The following SPIRE1 variants were observed in gnomAD, a reference collection of about 807,000 sequenced individuals.
The protein encoded by SPIRE1 is spire type actin nucleation factor 1, also known as protein spire homolog 1.
SPIRE1 carries 40 observed loss-of-function variants against 94.1 expected under a neutral mutation model. The ratio of observed to expected loss-of-function variants is 0.43; its 90% confidence interval spans 0.33 to 0.55. The LOEUF (loss-of-function observed/expected upper bound fraction) is 0.55. Among genes scored for constraint, SPIRE1 ranks in the 20% least tolerant of loss-of-function variants. The pLI, the probability that SPIRE1 is intolerant of heterozygous loss-of-function variation, is 0.06. For missense variants in SPIRE1, 838 were observed against 975.2 expected (o/e 0.86, Z 1.87); for synonymous variants, 376 against 371.7 (o/e 1.01, Z -0.13).
chr18:12,611,810 T>G (rs1047728412), intron 2 of SPIRE1, among the ~76,000 whole-genome samples: 1 of 151,174 alleles, frequency 6.6e-6, no homozygotes, highest in Non-Finnish European at 1.5e-5. Flanking sequence ...ACTATAGGCG[T>G]GCACCACCAC....
At chr18:12,481,418 T>C (rs2032838577) in intron 9 of SPIRE1, among the ~76,000 whole-genome samples, 1 of 152,060 alleles carries the variant, frequency 6.6e-6, no homozygotes, top group African/African-American at 2.4e-5. Context: ...TTCCCTGACA[T>C]TATTTATAAA....
chr18:12,479,690 G>C lies in SPIRE1; in HGVS notation c.1404+9C>G. 6.3e-7 allele frequency: 1 copy of C among 1,595,744 alleles called. No individual in the cohort carries two copies. The highest frequency in any genetic ancestry group is 8.5e-7 in the Non-Finnish European group (1 of 1,174,066). ...CTTGGGAGTCAAGCTGGGTGAACTG[G>C]GGCCTCACCTCAGACTCAGAGCTGT... On this transcript the variant is annotated intron_variant, in intron 10 of 16. Transcript: ENST00000409402.
At chr18:12,477,304 TCA>T (rs2032643497) in intron 10 of SPIRE1, among the ~76,000 whole-genome samples, 1 of 152,266 alleles carries the variant, frequency 6.6e-6, no homozygotes, top group East Asian at 1.9e-4. Context: ...GTAGCCGTGG[TCA>T]CAGAGGTTCC....
At chr18:12,560,460 A>G (rs935356471) in intron 2 of SPIRE1, among the ~76,000 whole-genome samples, 5 of 152,254 alleles carry the variant, frequency 3.3e-5, no homozygotes, top group African/African-American at 1.2e-4. Flanking sequence ...ATGTGTCATT[A>G]TATTAAGTAA....
chr18:12,505,545 C>A, intron 6 of SPIRE1, among the ~76,000 whole-genome samples: 1 of 139,900 alleles, frequency 7.1e-6, no homozygotes. Flanking sequence ...AGAGCAAGAC[C>A]CTGTCTCAAA....
intron 10 of SPIRE1, among the ~76,000 whole-genome samples, chr18:12,466,952 G>C (rs1459314377): frequency 6.6e-6 from 1 of 151,972 alleles, no homozygotes; most frequent in African/African-American, 2.4e-5. Context: ...GAACAGGGCG[G>C]AAAAAAAGGC....
intron 2 of SPIRE1, among the ~76,000 whole-genome samples, chr18:12,590,927 T>C (rs1237883515): frequency 5.9e-5 from 9 of 152,214 alleles, no homozygotes; most frequent in Admixed American, 5.9e-4. Context: ...ATAATATCTA[T>C]AAACAATATA....
At chr18:12,452,930 G>C (rs947046527) in intron 14 of SPIRE1, 138 bp downstream of exon 14, 4 of 617,784 alleles carry the variant, frequency 6.5e-6, no homozygotes, top group Non-Finnish European at 1.1e-5. Context: ...AACCTACAAG[G>C]ATAGCACAAG....
intron 2 of SPIRE1, among the ~76,000 whole-genome samples, chr18:12,580,173 GT>G (rs2036218693): frequency 1.3e-5 from 2 of 152,168 alleles, no homozygotes; most frequent in African/African-American, 4.8e-5. Context: ...GGACTGGACA[GT>G]GGGACAATGT....
chr18:12,504,879 G>T (rs986952280), intron 6 of SPIRE1, among the ~76,000 whole-genome samples: 2 of 152,128 alleles, frequency 1.3e-5, no homozygotes, highest in African/African-American at 4.8e-5. Context: ...GAGAGCTCCT[G>T]AGAGAAGGAA....
At chr18:12,629,127 G>A (rs920458576) in intron 2 of SPIRE1, among the ~76,000 whole-genome samples, 92 of 152,238 alleles carry the variant, frequency 6.0e-4, no homozygotes, top group African/African-American at 2.1e-3. Flanking sequence ...AATCCCCCAA[G>A]GGAACAGGAT....
rs1157338087 is a variant in SPIRE1 at position 12,512,403 on chromosome 18, T to A, written c.807+51A>T. ...CTCTGTCTCAAAAAAAAAAAAAAAT[T>A]ATACTATTTCTTAGACAGTAAACAG... is the stretch of plus-strand genomic sequence containing the variant. On this transcript the variant is annotated intron_variant, in intron 5 of 16. Transcript: ENST00000409402. The A allele has an allele frequency of 3.0e-6, 4 of 1,338,122 alleles. No homozygotes were observed. In the South Asian group the frequency reaches 3.8e-5, roughly 13 times the overall value. 82.9% of individuals were successfully genotyped at this position (1,338,122 alleles called of 1,614,324 possible). A position where few individuals can be genotyped will look rare whatever the true frequency, so the allele number is the denominator to read the frequency against.
chr18:12,590,147 G>A (rs1266599635), intron 2 of SPIRE1, among the ~76,000 whole-genome samples: 1 of 151,422 alleles, frequency 6.6e-6, no homozygotes, highest in Non-Finnish European at 1.5e-5. Flanking sequence ...GAGTGCAATG[G>A]TGTAGTCCCG....
chr18:12,629,837 T>A (rs989891457), intron 2 of SPIRE1, among the ~76,000 whole-genome samples: 3 of 152,196 alleles, frequency 2.0e-5, no homozygotes, highest in African/African-American at 7.2e-5. Context: ...TTGCATGTCA[T>A]TTAAAACAAA....
Position 12,506,513 on chromosome 18 carries a change from G to A in SPIRE1, c.936C>T (p.Asp312=), listed in dbSNP as rs759408007. The A allele has an allele frequency of 5.0e-6, 8 of 1,613,996 alleles. No homozygotes were observed. The South Asian group carries it at 8.8e-5, about 18-fold the overall frequency. The change falls in exon 6 of 17, where the codon GAC becomes GAT. Residue 312 remains aspartate (D), a synonymous_variant. Transcript: ENST00000409402. ...GCAAGGTGTATCTTTTGCAGCGAAT[G>A]TCATCCATTAACATCTCATAAGGGG... ...QLTPYEMLMD[D]IRCKRYTLRK...
chr18:12,454,157 G>A (rs1282490121), intron 13 of SPIRE1, among the ~76,000 whole-genome samples, 189 bp downstream of exon 13: 1 of 152,072 alleles, frequency 6.6e-6, no homozygotes, highest in East Asian at 1.9e-4. Context: ...GATTTCTAAG[G>A]CAGAAACAAA....
chr18:12,526,798 C>T (rs1291602682), intron 4 of SPIRE1, among the ~76,000 whole-genome samples: 3 of 151,922 alleles, frequency 2.0e-5, no homozygotes, highest in South Asian at 4.2e-4. Flanking sequence ...TGACCTCTGT[C>T]TCCTGAGTCC....
upstream of SPIRE1, chr18:12,658,129 C>A: frequency 1.1e-6 from 1 of 951,482 alleles, no homozygotes; most frequent in South Asian, 4.5e-5. Flanking sequence ...CCGCCCCGCC[C>A]CGCCTCGCGC....
At chr18:12,459,652 G>T in intron 12 of SPIRE1, 1 of 626,538 alleles carries the variant, frequency 1.6e-6, no homozygotes, top group Non-Finnish European at 2.0e-6. Flanking sequence ...TGGAAGCAAA[G>T]TGCTATCTAA....
Sources: gnomAD v4.1 joint callset for allele counts (sites outside exome capture counted in the v4.1 genomes callset) on GRCh38, gnomAD v4.1.1 for gene constraint, MANE v1.5 for transcripts, NCBI Gene and HGNC (gene_info 2026-07-23, HGNC 2026-07-21) for gene names.